DENND2C: variants seen among roughly 807,000 people sequenced by gnomAD.
DENND2C encodes DENN domain containing 2C, also known as DENN domain-containing protein 2C.
A neutral mutation model predicts 112.4 loss-of-function variants in DENND2C; 72 were observed. The observed-to-expected ratio is 0.64, with a 90% CI of 0.53 to 0.78. The LOEUF (loss-of-function observed/expected upper bound fraction) is 0.78. DENND2C is among the 30% of genes least tolerant of loss of function. The pLI is 0.00. For missense variants in DENND2C, 992 were observed against 1,113.8 expected (o/e 0.89, Z 1.56); for synonymous variants, 329 against 381.6 (o/e 0.86, Z 1.61).
chr1:114,611,633 A>G (rs1050705605), intron 8 of DENND2C, among the ~76,000 whole-genome samples: 1 of 152,142 alleles, frequency 6.6e-6, no homozygotes, highest in Non-Finnish European at 1.5e-5. Context: ...TCTAGTCCAT[A>G]TGGATCTTTA....
chr1:114,638,797 AAG>A (rs1423380528), intron 3 of DENND2C, among the ~76,000 whole-genome samples: 1 of 151,364 alleles, frequency 6.6e-6, no homozygotes, highest in Non-Finnish European at 1.5e-5. Flanking sequence ...AAGAAAAAAA[AAG>A]AAAGAAAAGA....
At position 114,588,064 on chromosome 1, in the gene DENND2C, T is replaced by C. The variant is rs1278571489; in HGVS notation, c.2432-112A>G. The stretch of plus-strand genomic sequence containing the variant: ...CCTAAGAAGTTATAGATTAAAGGAC[T>C]GAGAATAAATCTAGGAGTGTTCATT... On this transcript the variant is annotated intron_variant, in intron 18 of 20. Transcript: ENST00000393274. 1.4e-5 allele frequency: 12 copies of C among 882,990 alleles called. No homozygotes were observed. In the East Asian group the frequency reaches 3.1e-4, roughly 23 times the overall value. 54.7% of individuals were successfully genotyped at this position (882,990 alleles called of 1,614,324 possible). A position where few individuals can be genotyped will look rare whatever the true frequency, so the allele number is the denominator to read the frequency against.
chr1:114,649,409 TCTCA>T (rs1408799498), intron 2 of DENND2C, among the ~76,000 whole-genome samples: 5 of 152,246 alleles, frequency 3.3e-5, no homozygotes, highest in African/African-American at 1.2e-4. Flanking sequence ...TTGAGATCGG[TCTCA>T]CTCTGTTGCC....
At chr1:114,622,225 C>G (rs1327701469) in intron 6 of DENND2C, among the ~76,000 whole-genome samples, 160 bp from the exon 7 acceptor site, 2 of 152,216 alleles carry the variant, frequency 1.3e-5, no homozygotes, top group East Asian at 3.9e-4. Context: ...GTGATCCCCC[C>G]ACCTCAGCCC....
At position 114,608,805 on chromosome 1, in the gene DENND2C, G is replaced by A. The variant is rs538066064; in HGVS notation, c.1438C>T (p.Arg480Trp). The A allele has an allele frequency of 1.1e-5, 18 of 1,614,022 alleles. No homozygotes were observed. Among genetic ancestry groups the A allele is most frequent in the Middle Eastern group, 1.6e-4 (1 of 6,084 alleles). The change falls in exon 10 of 21, where the codon CGG becomes TGG. Residue 480 changes from arginine to tryptophan, a missense_variant. Transcript: ENST00000393274. Reference sequence around the variant, plus strand: ...TGCTCCTGTAATTCAATAAGATCCCGCTCCAAGGTCTGGTAGTGAGGATTC... The same window carrying A: ...TGCTCCTGTAATTCAATAAGATCCCACTCCAAGGTCTGGTAGTGAGGATTC... Reference protein sequence around the residue: ...KRNPHYQTLERDLIELQEQQL... With the variant: ...KRNPHYQTLEWDLIELQEQQL...
At chr1:114,647,713 G>A (rs916930837) in intron 2 of DENND2C, among the ~76,000 whole-genome samples, 2 of 151,934 alleles carry the variant, frequency 1.3e-5, no homozygotes, top group East Asian at 1.9e-4. Context: ...GAGCCACTAC[G>A]CCTGACCTGT....
At position 114,583,630 on chromosome 1, in the gene DENND2C, A is replaced by C. The variant is rs1441496702; in HGVS notation, c.*1970T>G. The stretch of plus-strand genomic sequence containing the variant: ...GAGACCAGCCTGGCCAACATGGTGA[A>C]ACCCCCGTCTCCACTAAAAGTACAA... On this transcript the variant is annotated 3_prime_UTR_variant, in exon 21 of 21. Coordinates refer to ENST00000393274, the MANE Select transcript of DENND2C (RefSeq NM_001256404.2). 6.6e-6 allele frequency: 1 copy of C among 151,972 alleles called. No homozygotes were observed. Among genetic ancestry groups the C allele is most frequent in the Admixed American group, 6.6e-5 (1 of 15,218 alleles). 9.4% of individuals were successfully genotyped at this position (151,972 alleles called of 1,614,324 possible).
At chr1:114,623,189 G>T in intron 5 of DENND2C, 90 bp from the exon 6 acceptor site, 2 of 1,225,730 alleles carry the variant, frequency 1.6e-6, no homozygotes, top group Non-Finnish European at 2.3e-6. Flanking sequence ...AGCTAACTAT[G>T]TTCAGCTTTC....
At chr1:114,645,998 C>T (rs1390054502) in intron 2 of DENND2C, among the ~76,000 whole-genome samples, 1 of 151,832 alleles carries the variant, frequency 6.6e-6, no homozygotes, top group Non-Finnish European at 1.5e-5. Context: ...GCCGTTTTGG[C>T]TCACTGCAAG....
At chr1:114,661,042 C>T (rs1467689092) in intron 1 of DENND2C, among the ~76,000 whole-genome samples, 9 of 139,700 alleles carry the variant, frequency 6.4e-5, no homozygotes, top group Admixed American at 2.4e-4. Flanking sequence ...ACCCGGGAGG[C>T]GGAGGTTGCA....
chr1:114,660,984 AC>A (rs1657473798), intron 1 of DENND2C, among the ~76,000 whole-genome samples: 1 of 151,728 alleles, frequency 6.6e-6, no homozygotes, highest in South Asian at 2.1e-4. Context: ...GGTGGCTCGC[AC>A]CTGTAATCCC....
chr1:114,636,324 A>C (rs886492023), intron 3 of DENND2C, among the ~76,000 whole-genome samples: 8 of 152,206 alleles, frequency 5.3e-5, no homozygotes, highest in African/African-American at 1.9e-4. Context: ...AAGAATGGGA[A>C]AAAGGCAAGG....
At position 114,625,923 on chromosome 1, in the gene DENND2C, A is replaced by C. The variant is rs200490584; in HGVS notation, c.62T>G (p.Ile21Ser). The stretch of plus-strand genomic sequence containing the variant: ...TTCCCATTGAGAAATTTTTTGTTTG[A>C]TGTTTTTGCAGTGGCTTCTTGACAG... ...QTLSRSHCKN[I>S]KQKISQWEGR... is the part of the protein sequence containing the mutation. The change falls in exon 4 of 21, where the codon ATC (isoleucine) becomes AGC (serine). Residue 21 changes from isoleucine (I) to serine (S), a missense_variant. Transcript: ENST00000393274. The C allele has an allele frequency of 2.5e-6, 4 of 1,613,988 alleles. No homozygotes were observed. Among genetic ancestry groups the C allele is most frequent in the Middle Eastern group, 1.7e-4 (1 of 6,058 alleles).
rs568892796 is a variant in DENND2C, at chr1:114,621,902, A to G, written c.1220T>C (p.Leu407Pro). 1 of 1,550,598 alleles carries G rather than the reference A, an allele frequency of 6.4e-7. No homozygotes were observed. Among genetic ancestry groups the G allele is most frequent in the South Asian group, 1.2e-5 (1 of 84,068 alleles). ...GEVANTKRKN[L>P]PRLVLKIDDI... ...AAGCACTGGAGTCTTTACCCTTGGA[A>G]GATTTTTCCTTTTCGTGTTTGCAAC... Residue 407 changes from leucine (L) to proline (P), a missense_variant, in exon 7 of 21, where the codon CTT becomes CCT. Physicochemically the swap from Leu to Pro is moderately conservative, Grantham distance 98. Transcript: ENST00000393274.
intron 16 of DENND2C, among the ~76,000 whole-genome samples, 173 bp from the exon 17 acceptor site, chr1:114,596,046 AG>A (rs1159628522): frequency 6.6e-6 from 1 of 152,228 alleles, no homozygotes; most frequent in Non-Finnish European, 1.5e-5. Context: ...GCACACCTAT[AG>A]ATTAAAAGAG....
At chr1:114,654,086 G>A (rs1657242136) in intron 2 of DENND2C, among the ~76,000 whole-genome samples, 1 of 152,092 alleles carries the variant, frequency 6.6e-6, no homozygotes. Context: ...TTATCTCTGG[G>A]TGATGTAACT....
At chr1:114,632,066 T>C (rs749678830) in intron 3 of DENND2C, among the ~76,000 whole-genome samples, 53 of 152,010 alleles carry the variant, frequency 3.5e-4, no homozygotes, top group Non-Finnish European at 6.8e-4. Flanking sequence ...ACCAATAAAG[T>C]TGAATAAGTA....
Position 114,604,912 on chromosome 1 carries a change from G to T in DENND2C, c.1667+10C>A. 2.5e-6 allele frequency: 4 copies of T among 1,577,344 alleles called. No individual in the cohort carries two copies. The highest frequency in any genetic ancestry group is 3.5e-6 in the Non-Finnish European group (4 of 1,147,570). On this transcript the variant is annotated intron_variant, in intron 11 of 20. Transcript: ENST00000393274. ...TAATGAATAGAAATCAGATAAATTA[G>T]CCCATTTACCTCTTGAGTTCTGAGG...
At chr1:114,638,006 G>A (rs561690349) in intron 3 of DENND2C, among the ~76,000 whole-genome samples, 1 of 152,198 alleles carries the variant, frequency 6.6e-6, no homozygotes, top group South Asian at 2.1e-4. Context: ...TTTTCAAAAC[G>A]AAGAATAAAG....
Sources: allele counts gnomAD v4.1 joint callset (sites outside exome capture counted in the v4.1 genomes callset), GRCh38; gene constraint gnomAD v4.1.1; transcripts MANE v1.5; gene names NCBI Gene and HGNC (gene_info 2026-07-23, HGNC 2026-07-21).